The following ACYP2 variants were observed in gnomAD, a reference collection of about 807,000 sequenced individuals.
ACYP2 encodes the protein acylphosphatase 2, also known as acylphosphatase-2.
Under a neutral mutation model 11.2 loss-of-function variants are expected in ACYP2, and 12 were observed. That is an observed-to-expected ratio of 1.08 (90% CI 0.69 to 1.74). ACYP2 has a LOEUF of 1.74. Ranked by LOEUF, ACYP2 falls within the 40% of genes most tolerant of loss-of-function variation. ACYP2 has a pLI of 0.00. For synonymous variants in ACYP2, 43 were observed against 32.2 expected (o/e 1.33, Z -1.13); for missense variants, 134 against 101.9 (o/e 1.31, Z -1.35).
chr2:53,986,278 C>T (rs1558453693), intron 2 of ACYP2, among the ~76,000 whole-genome samples: 1 of 152,090 alleles, frequency 6.6e-6, no homozygotes, highest in Non-Finnish European at 1.5e-5. Context: ...GAAGCTCTCA[C>T]CGGAAGCAGA....
chr2:54,242,387 T>TTC (rs1350049124), intron 6 of ACYP2, among the ~76,000 whole-genome samples: 1 of 152,272 alleles, frequency 6.6e-6, no homozygotes, highest in Non-Finnish European at 1.5e-5. Context: ...CATTTCACCT[T>TTC]GTCATTGTGG....
chr2:54,013,692 G>T (rs987399665), intron 2 of ACYP2, among the ~76,000 whole-genome samples: 2 of 148,548 alleles, frequency 1.3e-5, no homozygotes, highest in Non-Finnish European at 3.0e-5. Context: ...TTATTTAACA[G>T]TTCCAGACAC....
At chr2:54,029,864 G>A (rs1674490487) in intron 2 of ACYP2, 1 of 297,354 alleles carries the variant, frequency 3.4e-6, no homozygotes, top group South Asian at 4.6e-5. Context: ...CTTTCTTACA[G>A]ATTTGTTCCC....
chr2:54,237,194 A>T (rs912781566), intron 6 of ACYP2, among the ~76,000 whole-genome samples: 20 of 152,208 alleles, frequency 1.3e-4, no homozygotes, highest in South Asian at 6.2e-4. Context: ...TATCCATAGG[A>T]GGTCTTGGAA....
chr2:54,053,307 C>T (rs763930819), intron 3 of ACYP2, among the ~76,000 whole-genome samples: 1 of 152,192 alleles, frequency 6.6e-6, no homozygotes, highest in African/African-American at 2.4e-5. Context: ...GAACTGAATG[C>T]CCAGCCTTCA....
At chr2:54,012,933 A>G (rs376089173) in intron 2 of ACYP2, among the ~76,000 whole-genome samples, 4 of 146,992 alleles carry the variant, frequency 2.7e-5, no homozygotes, top group African/African-American at 1.0e-4. Flanking sequence ...CTCACCTCCC[A>G]CTCTCCCTCT....
At chr2:54,102,283 G>T (rs1403249701) in intron 4 of ACYP2, among the ~76,000 whole-genome samples, 1 of 152,174 alleles carries the variant, frequency 6.6e-6, no homozygotes, top group African/African-American at 2.4e-5. Context: ...AGATATAATT[G>T]TTTTGGAACT....
At position 54,078,760 on chromosome 2, in the gene ACYP2, G is replaced by A. The variant is rs150593408; in HGVS notation, c.277+21400G>A. ...ATTACAGGCATGTGCCACCACACCC[G>A]CTAATTTTTCTATTTTTAGTAGAGA... On this transcript the variant is annotated intron_variant, in intron 4 of 6. Transcript: ENST00000607452. Among the ~76,000 whole-genome samples the A allele has an allele frequency of 1.4e-4, 21 of 151,928 alleles. 1 individual carries two copies. In the East Asian group the frequency reaches 3.5e-3, roughly 25 times the overall value.
chr2:54,267,339 T>C (rs1189384705), intron 6 of ACYP2: 7 of 1,549,148 alleles, frequency 4.5e-6, no homozygotes, highest in Non-Finnish European at 5.2e-6. Context: ...AGAAACAAGA[T>C]AGGGCAACAG....
chr2:54,018,327 G>A (rs1673808538), intron 2 of ACYP2, among the ~76,000 whole-genome samples: 1 of 152,028 alleles, frequency 6.6e-6, no homozygotes, highest in Non-Finnish European at 1.5e-5. Flanking sequence ...GCTGATTCAG[G>A]GACCATACTT....
chr2:54,290,384 C>A (rs921680605), intron 6 of ACYP2, among the ~76,000 whole-genome samples: 1 of 152,120 alleles, frequency 6.6e-6, no homozygotes, highest in South Asian at 2.1e-4. Context: ...TCTGTTCCCC[C>A]ACCCCTACCA....
intron 2 of ACYP2, among the ~76,000 whole-genome samples, chr2:54,043,809 A>C (rs1467663687): frequency 6.6e-6 from 1 of 152,188 alleles, no homozygotes; most frequent in Non-Finnish European, 1.5e-5. Flanking sequence ...GCAGCGATAC[A>C]TCAACCCCTG....
intron 6 of ACYP2, among the ~76,000 whole-genome samples, chr2:54,191,711 C>G (rs1684247966): frequency 2.0e-5 from 3 of 152,132 alleles, no homozygotes; most frequent in African/African-American, 7.2e-5. Context: ...CCATATAACC[C>G]TCTCATTTCA....
intron 4 of ACYP2, among the ~76,000 whole-genome samples, chr2:54,081,537 T>C (rs1451621980): frequency 6.6e-6 from 1 of 152,150 alleles, no homozygotes; most frequent in Admixed American, 6.5e-5. Context: ...CAATCAGCTA[T>C]ACCATATAGA....
At chr2:54,263,031 C>T in intron 6 of ACYP2, among the ~76,000 whole-genome samples, 1 of 152,006 alleles carries the variant, frequency 6.6e-6, no homozygotes, top group East Asian at 1.9e-4. Flanking sequence ...CCAGCGTGGA[C>T]AAGGTAGTGA....
At chr2:54,287,029 T>G (rs571739849) in intron 6 of ACYP2, among the ~76,000 whole-genome samples, 1 of 152,066 alleles carries the variant, frequency 6.6e-6, no homozygotes, top group Non-Finnish European at 1.5e-5. Flanking sequence ...CCCCAATTTT[T>G]TGATACTCTT....
chr2:54,178,774 C>A (rs548314626), intron 6 of ACYP2, among the ~76,000 whole-genome samples: 1 of 152,144 alleles, frequency 6.6e-6, no homozygotes, highest in African/African-American at 2.4e-5. Context: ...ATTGAAAACA[C>A]TAAGAGTAGG....
intron 2 of ACYP2, among the ~76,000 whole-genome samples, chr2:53,988,149 G>C (rs1260264807): frequency 6.6e-6 from 1 of 152,084 alleles, no homozygotes; most frequent in East Asian, 1.9e-4. Flanking sequence ...AGGATTACTT[G>C]AGTCCAGGAG....
intron 6 of ACYP2, among the ~76,000 whole-genome samples, chr2:54,188,899 A>G (rs138418105): frequency 2.1e-3 from 316 of 152,264 alleles, no homozygotes; most frequent in African/African-American, 7.1e-3. Flanking sequence ...CTGTTTCTGC[A>G]GACAAACAGC....
Sources: allele counts gnomAD v4.1 joint callset (sites outside exome capture counted in the v4.1 genomes callset), GRCh38; gene constraint gnomAD v4.1.1; transcripts MANE v1.5; gene names NCBI Gene and HGNC (gene_info 2026-07-23, HGNC 2026-07-21).